Variants in MORC2 observed in about 807,000 individuals in gnomAD.
MORC2 encodes the protein ATPase MORC2.
MORC2 carries 30 observed loss-of-function variants against 136.0 expected under a neutral mutation model. The observed-to-expected ratio is 0.22, with a 90% CI of 0.17 to 0.30. The LOEUF is 0.30. Ranked by LOEUF, MORC2 falls within the 10% of genes least tolerant of loss-of-function variation. MORC2 has a pLI of 1.00. For synonymous variants in MORC2, 439 were observed against 487.0 expected (o/e 0.90, Z 1.30); for missense variants, 922 against 1,333.1 (o/e 0.69, Z 4.80).
At chr22:30,965,076 C>G (rs2041106484) in intron 1 of MORC2, among the ~76,000 whole-genome samples, 1 of 152,198 alleles carries the variant, frequency 6.6e-6, no homozygotes, top group Non-Finnish European at 1.5e-5. Flanking sequence ...AGGACACAGC[C>G]AGGAAACACT....
rs1474365224 is a variant in MORC2, at chr22:30,939,944, G to A, written c.987+15C>T. ...CAGAAACGCTGGAGAACAGCCGCCT[G>A]GGCCGGGACCTTACCCTGGAGTCCC... On this transcript the variant is annotated intron_variant, in intron 11 of 25. Coordinates refer to ENST00000397641, the MANE Select transcript of MORC2 (RefSeq NM_001303256.3). The A allele has an allele frequency of 1.2e-6, 2 of 1,612,398 alleles. No homozygotes were observed. The highest frequency in any genetic ancestry group is 2.2e-5 in the East Asian group (1 of 44,860).
At position 30,938,214 on chromosome 22, in the gene MORC2, A is replaced by C; in HGVS notation, c.1074-9T>G. 1 of 1,519,060 alleles carries C rather than the reference A, an allele frequency of 6.6e-7. No individual in the cohort carries two copies. The highest frequency in any genetic ancestry group is 8.9e-7 in the Non-Finnish European group (1 of 1,129,114). The allele number at this position is 1,519,060 out of a possible 1,614,324, so 94.1% of individuals were successfully genotyped here. On this transcript the variant is annotated splice_polypyrimidine_tract_variant and intron_variant, in intron 12 of 25. Coordinates refer to ENST00000397641, the MANE Select transcript of MORC2 (RefSeq NM_001303256.3). ...TAGGTTCTTTAAGTGCTCTAAGAAG[A>C]CAAAAAAACTCAAGCAGATCTACAC...
intron 11 of MORC2, 62 bp downstream of exon 11, chr22:30,939,897 A>G (rs1000849048): frequency 7.8e-6 from 12 of 1,543,904 alleles, no homozygotes; most frequent in Non-Finnish European, 1.1e-5. Flanking sequence ...GACCAGGCTC[A>G]TGGGACATGG....
At position 30,934,781 on chromosome 22, in the gene MORC2, C is replaced by G; in HGVS notation, c.2193G>C (p.Pro731=). ...KKTESPIKLS[P]ATPSRKRSVA... is the part of the protein sequence containing the mutation. ...GTATTAAAGAGGACAAGCGTCTCAC[C>G]GGGGAGAGTTTGATGGGTGACTCTG... is the stretch of plus-strand genomic sequence containing the variant. Residue 731 remains proline (P), a splice_region_variant and synonymous_variant, in exon 19 of 26, where the codon CCG becomes CCC. Transcript: ENST00000397641. This position sits in a 1 kb window ranked among gnomAD's most constrained non-coding sequence, Gnocchi z 4.4. The G allele has an allele frequency of 6.2e-7, 1 of 1,613,816 alleles. No individual in the cohort carries two copies. The highest frequency in any genetic ancestry group is 8.5e-7 in the Non-Finnish European group (1 of 1,179,808).
intron 5 of MORC2, among the ~76,000 whole-genome samples, chr22:30,947,723 G>T (rs189535901): frequency 6.6e-6 from 1 of 152,108 alleles, no homozygotes; most frequent in African/African-American, 2.4e-5. Flanking sequence ...TCCCTAAAGC[G>T]TATGGGGAGC....
chr22:30,953,157 A>AT (rs374423955), intron 3 of MORC2, among the ~76,000 whole-genome samples: 209 of 152,324 alleles, frequency 1.4e-3, no homozygotes, highest in African/African-American at 4.7e-3. Context: ...ATAGAGATAG[A>AT]TTCCTATCAC....
chr22:30,964,894 G>C (rs1171676338), intron 1 of MORC2, among the ~76,000 whole-genome samples: 1 of 147,506 alleles, frequency 6.8e-6, no homozygotes, highest in Non-Finnish European at 1.5e-5. Flanking sequence ...CCAACTTCTG[G>C]TTTATATAAA....
At chr22:30,964,483 C>A (rs2041095328) in intron 1 of MORC2, among the ~76,000 whole-genome samples, 1 of 152,152 alleles carries the variant, frequency 6.6e-6, no homozygotes, top group Non-Finnish European at 1.5e-5. Flanking sequence ...TCTATCAGAC[C>A]ACTTAGCAGT....
At chr22:30,939,894 C>T (rs1230201077) in intron 11 of MORC2, 65 bp downstream of exon 11, 2 of 1,533,650 alleles carry the variant, frequency 1.3e-6, no homozygotes, top group East Asian at 4.5e-5. Context: ...CTTGACCAGG[C>T]TCATGGGACA....
In MORC2 at chr22:30,935,038, C is replaced by T; in HGVS notation, c.1936G>A (p.Val646Ile). ...RPASQPRKAP[V>I]ISSTPKLPAL... ...GGGAGCTTTGGGGTACTGCTGATGA[C>T]AGGAGCCTTTCGGGGCTGGCTGGCT... is the stretch of plus-strand genomic sequence containing the variant. Residue 646 changes from valine (V) to isoleucine (I), a missense_variant, in exon 19 of 26, where the codon GTC (valine) becomes ATC (isoleucine). Val to Ile is a conservative substitution (Grantham distance 29). This residue lies in a region of MORC2 where 184 missense variants were observed against 180.3 expected (regional missense o/e 1.02). Transcript: ENST00000397641. 1 of 1,614,040 alleles carries T rather than the reference C, an allele frequency of 6.2e-7. No individual in the cohort carries two copies. Among genetic ancestry groups the T allele is most frequent in the South Asian group, 1.1e-5 (1 of 91,060 alleles).
At position 30,932,169 on chromosome 22, in the gene MORC2, G is replaced by T; in HGVS notation, c.2841+190C>A. The T allele has an allele frequency of 1.7e-6, 1 of 595,184 alleles. No homozygotes were observed. Among genetic ancestry groups the T allele is most frequent in the African/African-American group, 1.9e-5 (1 of 53,924 alleles). 36.9% of individuals were successfully genotyped at this position (595,184 alleles called of 1,614,324 possible). On this transcript the variant is annotated intron_variant, in intron 24 of 25. Coordinates refer to ENST00000397641, the MANE Select transcript of MORC2 (RefSeq NM_001303256.3). The surrounding 1 kb of genome is among the most constrained non-coding windows in gnomAD (Gnocchi z 4.4). Reference sequence around the variant, plus strand: ...GCACACCAGAGTCATATCCAGCTAAGCCAATTTTTTTCCCACATCATAAAC... The same window carrying T: ...GCACACCAGAGTCATATCCAGCTAATCCAATTTTTTTCCCACATCATAAAC...
intron 1 of MORC2, 164 bp downstream of exon 1, chr22:30,967,658 A>T: frequency 7.1e-7 from 1 of 1,416,392 alleles, no homozygotes; most frequent in Non-Finnish European, 9.2e-7. Context: ...TATTTCACTG[A>T]TCTCAGTTCT....
chr22:30,942,355 C>G lies in MORC2; in HGVS notation c.427-84G>C, dbSNP rs149638949. 7.1e-4 allele frequency: 1,033 copies of G among 1,457,640 alleles called. 6 individuals are homozygous for G. In the East Asian group the frequency reaches 0.016, roughly 22 times the overall value. 90.3% of individuals were successfully genotyped at this position (1,457,640 alleles called of 1,614,324 possible). A position where few individuals can be genotyped will look rare whatever the true frequency, so the allele number is the denominator to read the frequency against. On this transcript the variant is annotated intron_variant, in intron 6 of 25. Transcript: ENST00000397641. ...AATGTGCATCTCTCTTGTCCCTCCCCACAGCAGCTCCACACTGCCCTGTAG... is the reference window on the plus strand; with the variant it reads ...AATGTGCATCTCTCTTGTCCCTCCCGACAGCAGCTCCACACTGCCCTGTAG...
rs1569208167 is a variant in MORC2, at chr22:30,968,156, T to C, written c.-267A>G. The C allele has an allele frequency of 1.5e-5, 6 of 413,686 alleles. No individual in the cohort carries two copies. The East Asian group carries it at 3.0e-4, about 21-fold the overall frequency. 25.6% of individuals were successfully genotyped at this position (413,686 alleles called of 1,614,324 possible). On this transcript the variant is annotated 5_prime_UTR_variant, in exon 1 of 26. Transcript: ENST00000397641. ...CATAAATCTGTAGCTTTAAGGAGCT[T>C]TTAGCATTAAGTTGCGATAGCTCAA...
intron 12 of MORC2, 71 bp downstream of exon 12, chr22:30,939,550 T>C: frequency 2.0e-6 from 3 of 1,480,274 alleles, no homozygotes; most frequent in Admixed American, 1.8e-5. Flanking sequence ...GGTGACAGAA[T>C]AGCAACCTGT....
intron 17 of MORC2, 111 bp from the exon 18 acceptor site, chr22:30,935,433 A>G: frequency 9.6e-7 from 1 of 1,045,112 alleles, no homozygotes; most frequent in South Asian, 1.4e-5. Flanking sequence ...CCTGAGCCAT[A>G]GTCCTACTCT....
chr22:30,959,423 T>C (rs1039893873), intron 1 of MORC2, among the ~76,000 whole-genome samples: 1 of 152,382 alleles, frequency 6.6e-6, no homozygotes, highest in Non-Finnish European at 1.5e-5. Context: ...GTTATTCTCT[T>C]TACCTTCTCT....
chr22:30,939,937 G>A (rs2040715736), intron 11 of MORC2, 22 bp downstream of exon 11: 1 of 1,610,184 alleles, frequency 6.2e-7, no homozygotes, highest in African/African-American at 1.3e-5. Context: ...CTGGAGAACA[G>A]CCGCCTGGGC....
rs1462459493 is a variant in MORC2, at chr22:30,937,823, A to G, written c.1361T>C (p.Ile454Thr). Residue 454 changes from isoleucine (I) to threonine (T), a missense_variant, in exon 14 of 26, where the codon ATT becomes ACT. By Grantham distance (89) the Ile-to-Thr change is moderately conservative. Around this residue, in one of 9 missense-constraint regions of MORC2, gnomAD observed 119 missense variants for 202.7 expected, o/e 0.59. Coordinates refer to ENST00000397641, the MANE Select transcript of MORC2 (RefSeq NM_001303256.3). The surrounding 1 kb of genome is among the most constrained non-coding windows in gnomAD (Gnocchi z 4.7). ...CAGCCCAGCCCCATTACCGATGGCA[A>G]TATCCTTCCAATACTGCGCCAGGTG... is the stretch of plus-strand genomic sequence containing the variant. ...GEHLAQYWKD[I>T]AIAQRGIIKF... 1.9e-6 allele frequency: 3 copies of G among 1,614,028 alleles called. No homozygotes were observed. Among genetic ancestry groups the G allele is most frequent in the South Asian group, 1.1e-5 (1 of 91,084 alleles).
Sources: gnomAD v4.1 joint callset for allele counts (sites outside exome capture counted in the v4.1 genomes callset) on GRCh38, gnomAD v4.1.1 for gene constraint, gnomAD v4.1.1 regional missense constraint, Gnocchi (gnomAD v3.1) non-coding constraint, MANE v1.5 for transcripts, NCBI Gene and HGNC (gene_info 2026-07-23, HGNC 2026-07-21) for gene names.